The following DNAH7 variants were observed in gnomAD, a reference collection of about 807,000 sequenced individuals.
DNAH7 encodes dynein axonemal heavy chain 7.
In DNAH7, 397 loss-of-function variants were observed where a neutral mutation model predicts 444.6. That is an observed-to-expected ratio of 0.89 (90% confidence interval 0.82 to 0.97). The LOEUF is 0.97. DNAH7 is among the 50% of genes least tolerant of loss of function. The pLI, the probability that DNAH7 is intolerant of heterozygous loss-of-function variation, is 0.00. For missense variants in DNAH7, 4,902 were observed against 4,800.8 expected, an observed-to-expected ratio of 1.02 and a Z score of -0.62; for synonymous variants, 1,636 against 1,624.4, an observed-to-expected ratio of 1.01 and a Z score of -0.17.
At chr2:195,895,291 G>A (rs561910370) in intron 29 of DNAH7, 67 bp from the exon 30 acceptor site, 78 of 1,065,482 alleles carry the variant, frequency 7.3e-5, no homozygotes, top group Admixed American at 4.2e-4. Context: ...ATTTTGTATT[G>A]ATGGAAATAG....
intron 40 of DNAH7, among the ~76,000 whole-genome samples, chr2:195,869,505 ATAT>A (rs1700552489): frequency 6.6e-6 from 1 of 152,154 alleles, no homozygotes; most frequent in African/African-American, 2.4e-5. Flanking sequence ...ACGTTGGAAA[ATAT>A]TATGAAAAGA....
intron 38 of DNAH7, 107 bp from the exon 39 acceptor site, chr2:195,873,801 G>T: frequency 1.3e-6 from 1 of 796,644 alleles, no homozygotes; most frequent in Non-Finnish European, 1.8e-6. Flanking sequence ...CAAATTCACG[G>T]CACATGAAGT....
intron 7 of DNAH7, among the ~76,000 whole-genome samples, chr2:196,025,974 A>G (rs1262031446): frequency 1.3e-5 from 2 of 152,146 alleles, no homozygotes; most frequent in East Asian, 3.8e-4. Flanking sequence ...AGGGATTTTA[A>G]TTCAGGTGGG....
chr2:196,064,480 G>A (rs1275638246), intron 1 of DNAH7, among the ~76,000 whole-genome samples: 6 of 151,836 alleles, frequency 4.0e-5, no homozygotes, highest in African/African-American at 7.3e-5. Flanking sequence ...ATTTACTCAC[G>A]TCTTATTCTC....
chr2:195,786,897 C>T (rs1695649290), intron 58 of DNAH7, 113 bp downstream of exon 58: 1 of 1,132,134 alleles, frequency 8.8e-7, no homozygotes, highest in Non-Finnish European at 1.2e-6. Flanking sequence ...GAACTACTCT[C>T]CTATTCATTT....
intron 17 of DNAH7, among the ~76,000 whole-genome samples, chr2:195,962,434 C>T (rs1217789775): frequency 2.0e-5 from 3 of 152,136 alleles, no homozygotes; most frequent in African/African-American, 7.2e-5. Flanking sequence ...CACGCAGCCT[C>T]GACTTCCTGG....
chr2:195,971,972 G>A (rs1691874838), intron 16 of DNAH7, among the ~76,000 whole-genome samples: 1 of 152,012 alleles, frequency 6.6e-6, no homozygotes, highest in Non-Finnish European at 1.5e-5. Context: ...ACCTATGCAT[G>A]ATATATTCCA....
intron 10 of DNAH7, among the ~76,000 whole-genome samples, chr2:196,003,874 C>T (rs1395258109): frequency 1.3e-5 from 2 of 152,148 alleles, no homozygotes; most frequent in African/African-American, 4.8e-5. Context: ...TCCCATCTCA[C>T]AAATGAAAAC....
chr2:195,889,549 C>G (rs1394944020), intron 31 of DNAH7, among the ~76,000 whole-genome samples: 1 of 152,140 alleles, frequency 6.6e-6, no homozygotes, highest in Admixed American at 6.5e-5. Flanking sequence ...AACTCCTGAG[C>G]TCAAGATCCA....
At chr2:196,021,449 G>C (rs1695376307) in intron 8 of DNAH7, among the ~76,000 whole-genome samples, 1 of 152,010 alleles carries the variant, frequency 6.6e-6, no homozygotes, top group East Asian at 1.9e-4. Flanking sequence ...ACAAATTTTT[G>C]GTTTCCTAGT....
chr2:195,775,648 G>GA lies in DNAH7; in HGVS notation c.11202+197dup, dbSNP rs35237602. The stretch of plus-strand genomic sequence containing the variant: ...TCTGGGTTCCCAAAAAAAGATAGAT[G>GA]AAAAAAAAAAAAAAACACACGTTCA... On this transcript the variant is annotated intron_variant, in intron 60 of 64. Transcript: ENST00000312428. Among the ~76,000 whole-genome samples, 731 of 136,964 alleles carry GA rather than the reference G, an allele frequency of 5.3e-3. 3 individuals carry two copies. The highest frequency in any genetic ancestry group is 6.2e-3 in the Non-Finnish European group (397 of 63,608). 89.9% of individuals were successfully genotyped at this position (136,964 alleles called of 152,430 possible).
intron 12 of DNAH7, among the ~76,000 whole-genome samples, chr2:195,992,462 A>C (rs1228441555): frequency 1.3e-5 from 2 of 152,324 alleles, no homozygotes; most frequent in Non-Finnish European, 2.9e-5. Context: ...ACCACTTTGC[A>C]TATTGTAGAA....
In DNAH7 at chr2:195,764,164, A is replaced by C. The variant is rs574266279; in HGVS notation, c.11433+7496T>G. ...TAATAATTTCAATTGATACTGAAAA[A>C]GCATTTGATAAAATTCAACATCCCT... On this transcript the variant is annotated intron_variant, in intron 61 of 64. Coordinates refer to ENST00000312428, the MANE Select transcript of DNAH7 (RefSeq NM_018897.3). Among the ~76,000 whole-genome samples the C allele has an allele frequency of 1.2e-4, 18 of 152,208 alleles. No homozygotes were observed. The South Asian group carries it at 3.7e-3, about 32-fold the overall frequency.
chr2:196,050,161 A>C (rs1161290683), intron 3 of DNAH7, among the ~76,000 whole-genome samples: 1 of 152,260 alleles, frequency 6.6e-6, no homozygotes, highest in Non-Finnish European at 1.5e-5. Context: ...GTTTGTTCTC[A>C]GCTTTTAAAA....
Position 195,787,150 on chromosome 2 carries a change from A to G in DNAH7, c.10738T>C (p.Tyr3580His). 6.2e-7 allele frequency: 1 copy of G among 1,600,780 alleles called. No homozygotes were observed. Among genetic ancestry groups the G allele is most frequent in the Non-Finnish European group, 8.5e-7 (1 of 1,176,718 alleles). The change falls in exon 58 of 65, where the codon TAT becomes CAT. Residue 3580 changes from tyrosine (Y) to histidine (H), a missense_variant. Coordinates refer to ENST00000312428, the MANE Select transcript of DNAH7 (RefSeq NM_018897.3). The part of the protein sequence containing the change: ...KKPEEFKKLL[Y>H]GLCFFHALVQ... ...AAAGCATGAAAGAAACACAGGCCAT[A>G]AAGCAATTTCTTGAATTCCTCCTGT...
chr2:195,872,768 AT>A (rs1270543888), intron 39 of DNAH7, among the ~76,000 whole-genome samples: 1 of 152,182 alleles, frequency 6.6e-6, no homozygotes, highest in East Asian at 1.9e-4. Flanking sequence ...AGGAACCCAG[AT>A]TATGTAATCC....
chr2:195,853,618 T>A (rs1699521227), intron 45 of DNAH7, 90 bp from the exon 46 acceptor site: 6 of 1,290,002 alleles, frequency 4.7e-6, no homozygotes, highest in Non-Finnish European at 5.2e-6. Context: ...TGAATTATTA[T>A]TTTTAATGAC....
intron 47 of DNAH7, among the ~76,000 whole-genome samples, chr2:195,840,006 T>C (rs1040032964): frequency 6.6e-6 from 1 of 151,758 alleles, no homozygotes; most frequent in African/African-American, 2.4e-5. Flanking sequence ...CCCAATTCCT[T>C]TTAGGAGGCC....
intron 41 of DNAH7, 138 bp downstream of exon 41, chr2:195,864,011 A>G (rs1225605105): frequency 5.4e-6 from 4 of 738,524 alleles, no homozygotes; most frequent in Non-Finnish European, 8.6e-6. Flanking sequence ...TTATAATTTC[A>G]TAAGATATAA....
Sources: allele counts gnomAD v4.1 joint callset (sites outside exome capture counted in the v4.1 genomes callset), GRCh38; gene constraint gnomAD v4.1.1; transcripts MANE v1.5; gene names NCBI Gene and HGNC (gene_info 2026-07-23, HGNC 2026-07-21).